Variants in AP1G1 observed in about 807,000 individuals in gnomAD.
AP1G1 encodes adaptor related protein complex 1 subunit gamma 1.
A neutral mutation model predicts 108.3 loss-of-function variants in AP1G1; 7 were observed. The ratio of observed to expected loss-of-function variants is 0.06; its 90% confidence interval spans 0.04 to 0.12. The LOEUF (loss-of-function observed/expected upper bound fraction) is 0.12. Ranked by LOEUF, AP1G1 falls within the 10% of genes least tolerant of loss-of-function variation. The probability of loss-of-function intolerance (pLI) is 1.00; values close to 1 mark genes in which losing one functional copy is unlikely to be tolerated. For missense variants in AP1G1, 756 were observed against 1,010.7 expected, an observed-to-expected ratio of 0.75 and a Z score of 3.42; for synonymous variants, 379 against 353.5, an observed-to-expected ratio of 1.07 and a Z score of -0.81.
chr16:71,789,494 A>T lies in AP1G1; in HGVS notation c.-3-12T>A. The T allele has an allele frequency of 1.2e-6, 2 of 1,612,678 alleles. No individual in the cohort carries two copies. Among genetic ancestry groups the T allele is most frequent in the South Asian group, 1.1e-5 (1 of 91,050 alleles). On this transcript the variant is annotated splice_polypyrimidine_tract_variant and intron_variant, in intron 1 of 22. Coordinates refer to ENST00000299980, the MANE Select transcript of AP1G1 (RefSeq NM_001128.6). ...GGGGCTGGCATCCTCTGGATATGGA[A>T]AGACATTAAATAGAGATGTTCACAT...
chr16:71,795,288 A>C (rs2142267970), intron 1 of AP1G1, among the ~76,000 whole-genome samples: 1 of 152,350 alleles, frequency 6.6e-6, no homozygotes, highest in Non-Finnish European at 1.5e-5. Flanking sequence ...ATCTAAAAAC[A>C]AAATTCTAAA....
intron 11 of AP1G1, chr16:71,758,341 G>C: frequency 2.1e-6 from 1 of 484,328 alleles, no homozygotes; most frequent in Non-Finnish European, 4.2e-6. Flanking sequence ...GTCATTTCAG[G>C]ATACACTGTT....
chr16:71,746,821 G>A (rs945834764), intron 16 of AP1G1, 129 bp from the exon 17 acceptor site: 6 of 639,010 alleles, frequency 9.4e-6, no homozygotes, highest in Non-Finnish European at 1.6e-5. Flanking sequence ...AATTTATATA[G>A]TTTTTCAAAA....
Position 71,805,821 on chromosome 16 carries a change from G to A in AP1G1, c.-4+2942C>T, listed in dbSNP as rs115393932. Reference sequence around the variant, plus strand: ...AGGCCGAGGCAAGAGGATTGCTTGAGCCCAGCCTGGGCAACATGACAAAAC... The same window carrying A: ...AGGCCGAGGCAAGAGGATTGCTTGAACCCAGCCTGGGCAACATGACAAAAC... On this transcript the variant is annotated intron_variant, in intron 1 of 22. Transcript: ENST00000299980. Among the ~76,000 whole-genome samples the A allele has an allele frequency of 6.2e-3, 945 of 152,168 alleles. 14 individuals carry two copies. Among genetic ancestry groups the A allele is most frequent in the African/African-American group, 0.02 (833 of 41,518 alleles).
At chr16:71,803,870 G>A (rs556165498) in intron 1 of AP1G1, among the ~76,000 whole-genome samples, 1 of 145,970 alleles carries the variant, frequency 6.9e-6, no homozygotes, top group African/African-American at 2.5e-5. Context: ...GTTGCAGTAA[G>A]CAGAGATGGC....
At position 71,775,981 on chromosome 16, in the gene AP1G1, A is replaced by G. The variant is rs2031767419; in HGVS notation, c.202-1389T>C. On this transcript the variant is annotated intron_variant, in intron 2 of 22. Transcript: ENST00000299980. ...ATCACTCCATCTTGACAAACATGGA[A>G]AAGGCCAAAACATTACCTCTAGAGC... is the stretch of plus-strand genomic sequence containing the variant. Among the ~76,000 whole-genome samples, 4 of 152,218 alleles carry G rather than the reference A, an allele frequency of 2.6e-5. No homozygotes were observed. The South Asian group carries it at 8.3e-4, about 31-fold the overall frequency.
chr16:71,736,595 TTTA>T (rs869139458), intron 21 of AP1G1, among the ~76,000 whole-genome samples: 85 of 144,840 alleles, frequency 5.9e-4, no homozygotes, highest in African/African-American at 1.9e-3. Flanking sequence ...TATTTATTTA[TTTA>T]TTTTTTGAGA....
rs775999569 is a variant in AP1G1 at position 71,758,536 on chromosome 16, T to C, written c.1088+272A>G. ...AACTTTTGCCTAGCTTATCTGTGCC[T>C]GTTGTATTTATCAAAGAGCCAAGGA... On this transcript the variant is annotated intron_variant, in intron 11 of 22. Transcript: ENST00000299980. 8.6e-6 allele frequency: 5 copies of C among 584,314 alleles called. No homozygotes were observed. The East Asian group carries it at 1.6e-4, about 19-fold the overall frequency. The allele number at this position is 584,314 out of a possible 1,614,324, so 36.2% of individuals were successfully genotyped here. A position where few individuals can be genotyped will look rare whatever the true frequency, so the allele number is the denominator to read the frequency against.
intron 4 of AP1G1, among the ~76,000 whole-genome samples, chr16:71,772,432 C>CT (rs1359942458): frequency 6.6e-6 from 1 of 152,050 alleles, no homozygotes; most frequent in Non-Finnish European, 1.5e-5. Flanking sequence ...CCCAGCCTAT[C>CT]TTTTTTTTCT....
rs1373423659 is a variant in AP1G1, at chr16:71,791,229, AAAAAAAAAC to A, written c.-3-1756_-3-1748del. ...AGCAAGACTGTCTCAAAAAAACAAAAAAAAAAAACAAAAAAAACAAAAACAAAAAATCCT... is the reference window on the plus strand; with the variant it reads ...AGCAAGACTGTCTCAAAAAAACAAAAAAAAAAAACAAAAACAAAAAATCCT... On this transcript the variant is annotated intron_variant, in intron 1 of 22. Transcript: ENST00000299980. 2.5e-3 allele frequency among the ~76,000 whole-genome samples: 372 copies of A among 151,758 alleles called. 1 individual carries two copies. Among genetic ancestry groups the A allele is most frequent in the South Asian group, 8.5e-3 (41 of 4,818 alleles).
chr16:71,750,419 T>C (rs1383164422), intron 13 of AP1G1, 87 bp from the exon 14 acceptor site: 10 of 1,529,644 alleles, frequency 6.5e-6, no homozygotes, highest in Non-Finnish European at 8.9e-6. Flanking sequence ...GTGTGTTTTT[T>C]CCTTTCTTTT....
chr16:71,745,934 T>G (rs2030151375), intron 17 of AP1G1, among the ~76,000 whole-genome samples: 1 of 151,942 alleles, frequency 6.6e-6, no homozygotes, highest in South Asian at 2.1e-4. Flanking sequence ...AATAGAAGAA[T>G]AAAAGATGAC....
At chr16:71,782,718 C>G (rs2032070218) in intron 2 of AP1G1, among the ~76,000 whole-genome samples, 1 of 151,734 alleles carries the variant, frequency 6.6e-6, no homozygotes, top group South Asian at 2.1e-4. Flanking sequence ...GAACTCCTGA[C>G]CTCGTGATCT....
chr16:71,783,259 G>A (rs1472400322), intron 2 of AP1G1, among the ~76,000 whole-genome samples: 1 of 151,842 alleles, frequency 6.6e-6, no homozygotes, highest in Non-Finnish European at 1.5e-5. Flanking sequence ...AATGTATAAG[G>A]ATATCAAAGG....
chr16:71,807,804 A>G, intron 1 of AP1G1: 1 of 1,289,162 alleles, frequency 7.8e-7, no homozygotes, highest in South Asian at 1.2e-5. Context: ...TACCTACCTC[A>G]GATTAATATT....
Position 71,731,308 on chromosome 16 carries a change from T to C in AP1G1, c.*1750A>G, listed in dbSNP as rs1284775387. 1 of 152,628 alleles carries C rather than the reference T, an allele frequency of 6.6e-6. No individual in the cohort carries two copies. Among genetic ancestry groups the C allele is most frequent in the Non-Finnish European group, 1.5e-5 (1 of 68,032 alleles). 9.5% of individuals were successfully genotyped at this position (152,628 alleles called of 1,614,324 possible). A position where few individuals can be genotyped will look rare whatever the true frequency, so the allele number is the denominator to read the frequency against. On this transcript the variant is annotated 3_prime_UTR_variant, in exon 23 of 23. Coordinates refer to ENST00000299980, the MANE Select transcript of AP1G1 (RefSeq NM_001128.6). The stretch of plus-strand genomic sequence containing the variant: ...ACTAGTAAGACCAGAAACTTTCCCG[T>C]GGAGCCTTTAGTTCAACTCCAGTTT...
chr16:71,733,230 T>TA (rs1220719036), intron 22 of AP1G1, 71 bp from the exon 23 acceptor site: 7 of 1,257,794 alleles, frequency 5.6e-6, no homozygotes, highest in South Asian at 5.2e-5. Context: ...GGTCCACAAA[T>TA]AGACTTTTAA....
At chr16:71,753,737 T>C (rs919556732) in intron 13 of AP1G1, 96 bp downstream of exon 13, 8 of 1,073,388 alleles carry the variant, frequency 7.5e-6, no homozygotes, top group Non-Finnish European at 1.1e-5. Context: ...CCTATTTACT[T>C]GTGAATTTCT....
chr16:71,760,061 G>T (rs935072822), intron 10 of AP1G1, among the ~76,000 whole-genome samples: 1 of 151,948 alleles, frequency 6.6e-6, no homozygotes, highest in African/African-American at 2.4e-5. Context: ...TAGAGATGGG[G>T]TCCCCCACTA....
Sources: allele counts gnomAD v4.1 joint callset (sites outside exome capture counted in the v4.1 genomes callset), GRCh38; gene constraint gnomAD v4.1.1; transcripts MANE v1.5; gene names NCBI Gene and HGNC (gene_info 2026-07-23, HGNC 2026-07-21).